TMEM51: variants seen among roughly 807,000 people sequenced by gnomAD.
TMEM51 encodes transmembrane protein 51, also known as chromosome 1 open reading frame 72.
TMEM51 carries 8 observed loss-of-function variants against 13.6 expected under a neutral mutation model. The ratio of observed to expected loss-of-function variants is 0.59; its 90% CI spans 0.35 to 1.07. The LOEUF (loss-of-function observed/expected upper bound fraction) is 1.07. Ranked by LOEUF, TMEM51 falls within the 50% of genes least tolerant of loss-of-function variation. The probability of loss-of-function intolerance (pLI) is 0.02; values close to 1 mark genes in which losing one functional copy is unlikely to be tolerated. For missense variants in TMEM51, 279 were observed against 330.7 expected, an observed-to-expected ratio of 0.84 and a Z score of 1.21; for synonymous variants, 147 against 144.4, an observed-to-expected ratio of 1.02 and a Z score of -0.13.
upstream of TMEM51, among the ~76,000 whole-genome samples, chr1:15,153,555 C>A (rs1322799220): frequency 6.6e-6 from 1 of 152,082 alleles, no homozygotes; most frequent in Non-Finnish European, 1.5e-5. Flanking sequence ...TCAGCGCGCT[C>A]CAGCGGCATA....
At chr1:15,210,193 T>C (rs1352256044) in intron 1 of TMEM51, among the ~76,000 whole-genome samples, 1 of 152,204 alleles carries the variant, frequency 6.6e-6, no homozygotes, top group Non-Finnish European at 1.5e-5. Context: ...ACATTCCTTA[T>C]AAGATGACCT....
intron 1 of TMEM51, among the ~76,000 whole-genome samples, chr1:15,166,745 G>T (rs181258274): frequency 6.6e-6 from 1 of 151,810 alleles, no homozygotes; most frequent in African/African-American, 2.4e-5. Flanking sequence ...GAAAATACTC[G>T]CCCAGCATTG....
chr1:15,218,926 G>A (rs1424631602), intron 3 of TMEM51, among the ~76,000 whole-genome samples: 1 of 152,176 alleles, frequency 6.6e-6, no homozygotes, highest in African/African-American at 2.4e-5. Flanking sequence ...CCAACTCAGG[G>A]TGTACTGCCT....
At chr1:15,183,330 A>G (rs1217391232) in intron 1 of TMEM51, among the ~76,000 whole-genome samples, 1 of 152,228 alleles carries the variant, frequency 6.6e-6, no homozygotes, top group Non-Finnish European at 1.5e-5. Flanking sequence ...TGATTTACAA[A>G]TAAGGCAGTA....
chr1:15,208,673 G>A (rs1014804530), intron 1 of TMEM51, among the ~76,000 whole-genome samples: 5 of 152,042 alleles, frequency 3.3e-5, no homozygotes. Flanking sequence ...AAAAGAGACA[G>A]GTGGAAGGGT....
chr1:15,194,227 A>T (rs955978399), intron 1 of TMEM51, among the ~76,000 whole-genome samples: 1 of 152,256 alleles, frequency 6.6e-6, no homozygotes, highest in Non-Finnish European at 1.5e-5. Flanking sequence ...AAGGACAAAG[A>T]AACAGGCAAA....
At chr1:15,195,803 G>A (rs1390112026) in intron 1 of TMEM51, among the ~76,000 whole-genome samples, 3 of 152,170 alleles carry the variant, frequency 2.0e-5, no homozygotes, top group East Asian at 1.9e-4. Flanking sequence ...AGCTCCTAAC[G>A]AGCATCTCCT....
At chr1:15,216,323 A>T (rs1175943864) in intron 3 of TMEM51, among the ~76,000 whole-genome samples, 1 of 152,226 alleles carries the variant, frequency 6.6e-6, no homozygotes, top group Non-Finnish European at 1.5e-5. Flanking sequence ...TTATAAAAAG[A>T]GCTCTTAGAA....
rs1644278796 is a variant in TMEM51, at chr1:15,207,901, G to A, written c.-266-2589G>A. Among the ~76,000 whole-genome samples, 1 of 152,210 alleles carries A rather than the reference G, an allele frequency of 6.6e-6. No homozygotes were observed. The highest frequency in any genetic ancestry group is 2.4e-5 in the African/African-American group (1 of 41,446). ...TTTGGGTATCTGGATCTTCCTGCAA[G>A]TTAGCTTTTATTAATCCTCTCCCCT... On this transcript the variant is annotated intron_variant, in intron 1 of 3. Transcript: ENST00000376008. This position sits in a 1 kb window ranked among gnomAD's most constrained non-coding sequence, Gnocchi z 4.6.
chr1:15,201,838 C>T (rs4369223), intron 1 of TMEM51, among the ~76,000 whole-genome samples: 67,340 of 151,970 alleles, frequency 0.44, 15,902 homozygotes, highest in East Asian at 0.9. Context: ...TCTCAAACGG[C>T]GTCCTAATCT....
intron 1 of TMEM51, among the ~76,000 whole-genome samples, chr1:15,179,269 CA>C (rs1180245243): frequency 6.6e-6 from 1 of 152,150 alleles, no homozygotes; most frequent in African/African-American, 2.4e-5. Flanking sequence ...GGCTGGTACA[CA>C]GAGGTTCAGA....
At chr1:15,180,459 ACT>A (rs1287858142) in intron 1 of TMEM51, among the ~76,000 whole-genome samples, 1 of 152,010 alleles carries the variant, frequency 6.6e-6, no homozygotes, top group African/African-American at 2.4e-5. Context: ...CCAGACAGGC[ACT>A]CTCTGATCAG....
In TMEM51 at chr1:15,207,451, G is replaced by A. The variant is rs945186619; in HGVS notation, c.-266-3039G>A. The stretch of plus-strand genomic sequence containing the variant: ...TTTACCCCGTTTCAGCCGGGGCAGC[G>A]CTGCTTTCCATCGTCCCATCTTATT... On this transcript the variant is annotated intron_variant, in intron 1 of 3. Transcript: ENST00000376008. This position sits in a 1 kb window ranked among gnomAD's most constrained non-coding sequence, Gnocchi z 4.6. 2.6e-5 allele frequency among the ~76,000 whole-genome samples: 4 copies of A among 152,210 alleles called. No individual in the cohort carries two copies. Among genetic ancestry groups the A allele is most frequent in the African/African-American group, 7.2e-5 (3 of 41,460 alleles).
chr1:15,217,436 T>C (rs548266626), intron 3 of TMEM51, among the ~76,000 whole-genome samples: 3 of 152,172 alleles, frequency 2.0e-5, no homozygotes, highest in Non-Finnish European at 4.4e-5. Flanking sequence ...TAATATATGC[T>C]GTATTGGTCA....
chr1:15,207,506 G>T lies in TMEM51; in HGVS notation c.-266-2984G>T, dbSNP rs1244342128. On this transcript the variant is annotated intron_variant, in intron 1 of 3. Coordinates refer to ENST00000376008, the MANE Select transcript of TMEM51 (RefSeq NM_001136218.2). The surrounding 1 kb of genome is among the most constrained non-coding windows in gnomAD (Gnocchi z 4.6). Reference sequence around the variant, plus strand: ...TCGTTGTCTTCACGTTCAAGTTCATGGAGACTCAATCCAGATGTGCCTGGC... The same window carrying T: ...TCGTTGTCTTCACGTTCAAGTTCATTGAGACTCAATCCAGATGTGCCTGGC... 6.6e-6 allele frequency among the ~76,000 whole-genome samples: 1 copy of T among 152,194 alleles called. No homozygotes were observed. The highest frequency in any genetic ancestry group is 1.5e-5 in the Non-Finnish European group (1 of 68,034).
intron 1 of TMEM51, among the ~76,000 whole-genome samples, chr1:15,195,497 T>C (rs2100290923): frequency 6.6e-6 from 1 of 152,252 alleles, no homozygotes; most frequent in Middle Eastern, 3.4e-3. Flanking sequence ...GGGACTCTCT[T>C]GTCCCCATAG....
chr1:15,213,926 C>A (rs1283886602), intron 2 of TMEM51, among the ~76,000 whole-genome samples: 1 of 151,998 alleles, frequency 6.6e-6, no homozygotes, highest in Non-Finnish European at 1.5e-5. Context: ...ACTGCAACCT[C>A]CATCTCCCAG....
chr1:15,187,085 C>T (rs1253696056), intron 1 of TMEM51, among the ~76,000 whole-genome samples: 1 of 152,156 alleles, frequency 6.6e-6, no homozygotes, highest in Non-Finnish European at 1.5e-5. Flanking sequence ...AGCTGCAGGA[C>T]ATCAGAGGCT....
chr1:15,153,388 G>T (rs1642461562), upstream of TMEM51, among the ~76,000 whole-genome samples: 2 of 152,106 alleles, frequency 1.3e-5, no homozygotes. Context: ...ACCACCACCC[G>T]TCACACACAC....
Sources: allele counts gnomAD v4.1 joint callset (sites outside exome capture counted in the v4.1 genomes callset), GRCh38; gene constraint gnomAD v4.1.1; non-coding constraint Gnocchi (gnomAD v3.1); transcripts MANE v1.5; gene names NCBI Gene and HGNC (gene_info 2026-07-23, HGNC 2026-07-21).